PTPRD: variants seen among roughly 807,000 people sequenced by gnomAD.
The protein encoded by PTPRD is protein tyrosine phosphatase receptor type D.
Under a neutral mutation model 214.5 loss-of-function variants are expected in PTPRD, and 34 were observed. The observed-to-expected ratio is 0.16, with a 90% CI of 0.12 to 0.21. The LOEUF is 0.21. Ranked by LOEUF, PTPRD falls within the 10% of genes least tolerant of loss-of-function variation. The pLI, the probability that PTPRD is intolerant of heterozygous loss-of-function variation, is 1.00. For synonymous variants in PTPRD, 1,128 were observed against 845.7 expected, an observed-to-expected ratio of 1.33 and a Z score of -5.79; for missense variants, 2,545 against 2,398.7, an observed-to-expected ratio of 1.06 and a Z score of -1.27.
chr9:9,018,173 C>A (rs1453189345), intron 11 of PTPRD, among the ~76,000 whole-genome samples: 1 of 152,110 alleles, frequency 6.6e-6, no homozygotes, highest in Non-Finnish European at 1.5e-5. Context: ...TCATAACCAT[C>A]CCAACACATC....
At chr9:8,827,471 G>A (rs2097199304) in intron 11 of PTPRD, among the ~76,000 whole-genome samples, 1 of 152,012 alleles carries the variant, frequency 6.6e-6, no homozygotes, top group African/African-American at 2.4e-5. Context: ...GCCAGGTATG[G>A]TGGCGCACCC....
At chr9:9,542,996 T>C (rs916280510) in intron 8 of PTPRD, among the ~76,000 whole-genome samples, 1 of 151,642 alleles carries the variant, frequency 6.6e-6, no homozygotes, top group African/African-American at 2.4e-5. Context: ...CTGAGATACA[T>C]GAAAACGTAT....
At chr9:10,365,255 T>C (rs2097493666) in intron 2 of PTPRD, among the ~76,000 whole-genome samples, 1 of 152,174 alleles carries the variant, frequency 6.6e-6, no homozygotes, top group South Asian at 2.1e-4. Context: ...AAATGTTAAG[T>C]TGTCCACTCT....
intron 9 of PTPRD, among the ~76,000 whole-genome samples, chr9:9,258,047 A>G (rs557998176): frequency 6.6e-6 from 1 of 151,978 alleles, no homozygotes; most frequent in East Asian, 1.9e-4. Flanking sequence ...AAGAATTTAA[A>G]GAGTAAGGCA....
chr9:10,082,554 A>G (rs1242579893), intron 3 of PTPRD, among the ~76,000 whole-genome samples: 2 of 152,030 alleles, frequency 1.3e-5, no homozygotes, highest in African/African-American at 4.8e-5. Context: ...AAAGAAAGAG[A>G]GGGAAAGGCA....
chr9:9,720,847 A>G (rs966438050), intron 7 of PTPRD, among the ~76,000 whole-genome samples: 1 of 152,166 alleles, frequency 6.6e-6, no homozygotes, highest in Admixed American at 6.5e-5. Flanking sequence ...TTGTTGGAAC[A>G]TGGATGGAGT....
intron 7 of PTPRD, among the ~76,000 whole-genome samples, chr9:9,727,648 C>T (rs751302028): frequency 6.6e-6 from 1 of 152,046 alleles, no homozygotes; most frequent in South Asian, 2.1e-4. Flanking sequence ...CCCTGAGGGG[C>T]AATTATGAAT....
intron 3 of PTPRD, among the ~76,000 whole-genome samples, chr9:10,228,411 A>G (rs2099596424): frequency 6.6e-6 from 1 of 152,028 alleles, no homozygotes; most frequent in Non-Finnish European, 1.5e-5. Flanking sequence ...GCCAGCCTTC[A>G]GGTTAATATT....
At chr9:10,119,655 A>G (rs2098759055) in intron 3 of PTPRD, among the ~76,000 whole-genome samples, 1 of 151,796 alleles carries the variant, frequency 6.6e-6, no homozygotes, top group Non-Finnish European at 1.5e-5. Context: ...ATAATTCAAG[A>G]CCCCCCGCAT....
intron 2 of PTPRD, among the ~76,000 whole-genome samples, chr9:10,593,362 C>T (rs192585085): frequency 1.1e-4 from 16 of 152,106 alleles, no homozygotes; most frequent in Non-Finnish European, 1.5e-4. Flanking sequence ...AGAGTGATTA[C>T]TCACGAGGAC....
chr9:8,412,052 G>A (rs1011114626), intron 35 of PTPRD, among the ~76,000 whole-genome samples: 2 of 152,172 alleles, frequency 1.3e-5, no homozygotes, highest in Non-Finnish European at 2.9e-5. Context: ...TAATTACGAT[G>A]ACTTATAAGA....
chr9:10,425,727 C>A (rs923919540), intron 2 of PTPRD, among the ~76,000 whole-genome samples: 3 of 151,880 alleles, frequency 2.0e-5, no homozygotes, highest in Non-Finnish European at 4.4e-5. Flanking sequence ...CCACACTTCA[C>A]GGCTCAAAGT....
At chr9:10,014,297 A>C (rs577512959) in intron 4 of PTPRD, among the ~76,000 whole-genome samples, 2 of 152,008 alleles carry the variant, frequency 1.3e-5, no homozygotes, top group Non-Finnish European at 2.9e-5. Flanking sequence ...TGCAATTCCC[A>C]TTCAGGTAAT....
rs961732545 is a variant in PTPRD at position 9,305,530 on chromosome 9, A to G, written c.-203+91919T>C. On this transcript the variant is annotated intron_variant, in intron 9 of 45. Coordinates refer to ENST00000381196, the MANE Select transcript of PTPRD (RefSeq NM_002839.4). Reference sequence around the variant, plus strand: ...ACCTCAAATCAGATTGATAAATGCCATGCCATATATTGGATTCAATAGCGC... The same window carrying G: ...ACCTCAAATCAGATTGATAAATGCCGTGCCATATATTGGATTCAATAGCGC... Among the ~76,000 whole-genome samples, 6 of 152,258 alleles carry G rather than the reference A, an allele frequency of 3.9e-5. No individual in the cohort carries two copies. In the East Asian group the frequency reaches 1.2e-3, roughly 29 times the overall value.
intron 9 of PTPRD, among the ~76,000 whole-genome samples, chr9:9,298,564 T>C (rs908937309): frequency 4.6e-5 from 7 of 151,706 alleles, no homozygotes; most frequent in African/African-American, 1.7e-4. Context: ...TTTTGGAAGG[T>C]TGCAGAGGGA....
intron 11 of PTPRD, among the ~76,000 whole-genome samples, chr9:8,832,224 G>A (rs1369643501): frequency 6.6e-6 from 1 of 151,918 alleles, no homozygotes; most frequent in Non-Finnish European, 1.5e-5. Flanking sequence ...CAAATGGTGT[G>A]CATTGATCCA....
At chr9:9,775,248 G>A (rs907517470) in intron 5 of PTPRD, among the ~76,000 whole-genome samples, 1 of 151,976 alleles carries the variant, frequency 6.6e-6, no homozygotes, top group Non-Finnish European at 1.5e-5. Context: ...TTGTTTTATT[G>A]TACTGCTAAC....
intron 3 of PTPRD, among the ~76,000 whole-genome samples, chr9:10,215,663 G>A (rs1262330258): frequency 6.6e-6 from 1 of 151,960 alleles, no homozygotes; most frequent in Non-Finnish European, 1.5e-5. Context: ...CCAGAGGGGA[G>A]TTTTGCATAT....
chr9:9,625,130 T>C (rs1237448877), intron 7 of PTPRD, among the ~76,000 whole-genome samples: 4 of 152,182 alleles, frequency 2.6e-5, no homozygotes, highest in Admixed American at 6.5e-5. Context: ...ACAGTAGTTC[T>C]TGGACCTGCC....
Sources: allele counts gnomAD v4.1 joint callset (sites outside exome capture counted in the v4.1 genomes callset), GRCh38; gene constraint gnomAD v4.1.1; transcripts MANE v1.5; gene names NCBI Gene and HGNC (gene_info 2026-07-23, HGNC 2026-07-21).